PTPRD: variants seen among roughly 807,000 people sequenced by gnomAD.
PTPRD encodes the protein protein tyrosine phosphatase receptor type D.
In PTPRD, 34 loss-of-function variants were observed where a neutral mutation model predicts 214.5. The observed-to-expected ratio is 0.16, with a 90% CI of 0.12 to 0.21. The LOEUF is 0.21. Ranked by LOEUF, PTPRD falls within the 10% of genes least tolerant of loss-of-function variation. The pLI is 1.00. For missense variants in PTPRD, 2,545 were observed against 2,398.7 expected, an observed-to-expected ratio of 1.06 and a Z score of -1.27; for synonymous variants, 1,128 against 845.7, an observed-to-expected ratio of 1.33 and a Z score of -5.79.
intron 9 of PTPRD, among the ~76,000 whole-genome samples, chr9:9,239,557 T>C (rs2099969261): frequency 6.6e-6 from 1 of 152,172 alleles, no homozygotes; most frequent in South Asian, 2.1e-4. Context: ...GCCTGATTTA[T>C]TGGTGGACTG....
chr9:9,588,967 C>G (rs1330507356), intron 7 of PTPRD, among the ~76,000 whole-genome samples: 2 of 151,894 alleles, frequency 1.3e-5, no homozygotes, highest in East Asian at 1.9e-4. Flanking sequence ...TATTCAAATA[C>G]AGCATTTTTA....
chr9:10,574,186 A>G (rs2068390598), intron 2 of PTPRD, among the ~76,000 whole-genome samples: 1 of 119,262 alleles, frequency 8.4e-6, no homozygotes, highest in Non-Finnish European at 1.7e-5. Context: ...AGGAAGTAAG[A>G]GAAATGATAG....
chr9:8,520,392 A>G (rs2097864015), intron 20 of PTPRD, among the ~76,000 whole-genome samples: 1 of 152,100 alleles, frequency 6.6e-6, no homozygotes, highest in Non-Finnish European at 1.5e-5. Flanking sequence ...CGTGTATTGC[A>G]TTTTCTAAGA....
intron 2 of PTPRD, among the ~76,000 whole-genome samples, chr9:10,509,580 T>TATATA (rs1491395020): frequency 3.7e-5 from 5 of 135,106 alleles, no homozygotes; most frequent in East Asian, 4.6e-4. Context: ...TATATATATA[T>TATATA]TTTACTCACT....
intron 11 of PTPRD, among the ~76,000 whole-genome samples, chr9:8,734,799 T>A (rs914995411): frequency 2.6e-5 from 4 of 152,160 alleles, no homozygotes; most frequent in African/African-American, 9.7e-5. Flanking sequence ...TAATAAGTGA[T>A]TAGCGCCAGG....
chr9:8,339,535 A>C (rs373541715), intron 42 of PTPRD, among the ~76,000 whole-genome samples: 1 of 152,144 alleles, frequency 6.6e-6, no homozygotes, highest in Non-Finnish European at 1.5e-5. Context: ...CGAGGGGCCC[A>C]GTCCATTTTA....
intron 44 of PTPRD, among the ~76,000 whole-genome samples, chr9:8,325,475 T>G (rs905676072): frequency 2.0e-5 from 3 of 149,080 alleles, no homozygotes; most frequent in African/African-American, 7.4e-5. Flanking sequence ...ACCAGTACCA[T>G]GCTGTTTTGG....
rs143310360 is a variant in PTPRD at position 8,542,120 on chromosome 9, G to C, written c.353-13341C>G. Among the ~76,000 whole-genome samples, 90 of 152,168 alleles carry C rather than the reference G, an allele frequency of 5.9e-4. 1 individual carries two copies. The East Asian group carries it at 0.016, about 27-fold the overall frequency. ...AAAAAGGGTTTCAGGCAAAACCTGA[G>C]GGCATACATAAAGGATTGCGATCTT... is the stretch of plus-strand genomic sequence containing the variant. On this transcript the variant is annotated intron_variant, in intron 14 of 45. Coordinates refer to ENST00000381196, the MANE Select transcript of PTPRD (RefSeq NM_002839.4).
At chr9:8,530,829 C>G (rs571788407) in intron 14 of PTPRD, among the ~76,000 whole-genome samples, 1 of 152,170 alleles carries the variant, frequency 6.6e-6, no homozygotes, top group South Asian at 2.1e-4. Flanking sequence ...TTTCACTGAA[C>G]AGATGCAGTT....
At chr9:8,716,606 T>G (rs2098439139) in intron 12 of PTPRD, among the ~76,000 whole-genome samples, 1 of 128,912 alleles carries the variant, frequency 7.8e-6, no homozygotes, top group Admixed American at 7.0e-5. Context: ...TGTACTTCCT[T>G]TAGCCTCAAT....
In PTPRD at chr9:8,525,014, C is replaced by A. The variant is rs1391719878; in HGVS notation, c.590G>T (p.Ser197Ile). 1.9e-6 allele frequency: 3 copies of A among 1,613,590 alleles called. No homozygotes were observed. The Admixed American group carries it at 5.0e-5, about 27-fold the overall frequency. ...ATATTTTCCTTGGTCAGACTCTTCA[C>A]TCTGCTCAATCTGAAGGGCTCCTGT... Reference protein sequence around the residue: ...PIRGALQIEQSEESDQGKYEC... With the variant: ...PIRGALQIEQIEESDQGKYEC... Residue 197 changes from serine to isoleucine, a missense_variant, in exon 18 of 46, where the codon AGT becomes ATT. Coordinates refer to ENST00000381196, the MANE Select transcript of PTPRD (RefSeq NM_002839.4).
In PTPRD at chr9:8,735,038, G is replaced by A. The variant is rs966904061; in HGVS notation, c.-103-1092C>T. 2.0e-5 allele frequency among the ~76,000 whole-genome samples: 3 copies of A among 152,150 alleles called. No homozygotes were observed. In the South Asian group the frequency reaches 6.2e-4, roughly 32 times the overall value. ...AGGTCAGCATGCACGGGGCCCCCTG[G>A]AAGCCTTCTTAGAACAGATGCGTGA... On this transcript the variant is annotated intron_variant, in intron 11 of 45. Coordinates refer to ENST00000381196, the MANE Select transcript of PTPRD (RefSeq NM_002839.4).
Position 8,779,767 on chromosome 9 carries a change from G to A in PTPRD, c.-103-45821C>T, listed in dbSNP as rs182809969. ...GTTTTGTGAATGCTGCAGTCAGCAG[G>A]GCCCAAGAAGGCATATTTGCTCACA... is the stretch of plus-strand genomic sequence containing the variant. On this transcript the variant is annotated intron_variant, in intron 11 of 45. Transcript: ENST00000381196. Among the ~76,000 whole-genome samples the A allele has an allele frequency of 2.4e-3, 361 of 151,732 alleles. 1 individual carries two copies. The highest frequency in any genetic ancestry group is 7.6e-3 in the African/African-American group (314 of 41,328).
intron 10 of PTPRD, among the ~76,000 whole-genome samples, chr9:9,084,579 C>T (rs1158059840): frequency 6.6e-6 from 1 of 152,022 alleles, no homozygotes; most frequent in Non-Finnish European, 1.5e-5. Flanking sequence ...CACTGACACA[C>T]ATTTCTGGGA....
intron 7 of PTPRD, among the ~76,000 whole-genome samples, chr9:9,733,875 T>C (rs1232787690): frequency 6.6e-6 from 1 of 151,868 alleles, no homozygotes; most frequent in Non-Finnish European, 1.5e-5. Context: ...AATATTTCAA[T>C]AATATTTGAA....
At chr9:9,076,925 G>T (rs202185260) in intron 10 of PTPRD, among the ~76,000 whole-genome samples, 1 of 151,782 alleles carries the variant, frequency 6.6e-6, no homozygotes, top group African/African-American at 2.4e-5. Context: ...TACCAACAGT[G>T]TACAAGGGTT....
intron 12 of PTPRD, among the ~76,000 whole-genome samples, chr9:8,670,554 C>A (rs1039606552): frequency 2.3e-4 from 35 of 152,168 alleles, no homozygotes; most frequent in Non-Finnish European, 3.4e-4. Context: ...CAACAGTAAC[C>A]ACTATGCTAT....
At chr9:9,146,330 T>A (rs905750782) in intron 10 of PTPRD, among the ~76,000 whole-genome samples, 2 of 152,154 alleles carry the variant, frequency 1.3e-5, no homozygotes, top group Non-Finnish European at 2.9e-5. Flanking sequence ...TTTCTCAAAG[T>A]GTGATTTATG....
intron 4 of PTPRD, among the ~76,000 whole-genome samples, chr9:9,954,327 T>C (rs1389527671): frequency 9.0e-6 from 1 of 110,898 alleles, no homozygotes; most frequent in African/African-American, 3.5e-5. Context: ...AAAAAAAAGA[T>C]CATTGTCCTA....
Sources: gnomAD v4.1 joint callset for allele counts (sites outside exome capture counted in the v4.1 genomes callset) on GRCh38, gnomAD v4.1.1 for gene constraint, MANE v1.5 for transcripts, NCBI Gene and HGNC (gene_info 2026-07-23, HGNC 2026-07-21) for gene names.